Variants in UNC5C observed in about 807,000 individuals in gnomAD.
The protein encoded by UNC5C is unc-5 netrin receptor C.
In UNC5C, 47 loss-of-function variants were observed where a neutral mutation model predicts 99.8. That is an observed-to-expected ratio of 0.47 (90% confidence interval 0.37 to 0.60). The LOEUF is 0.60. UNC5C is among the 20% of genes least tolerant of loss of function. The pLI is 0.00. For missense variants in UNC5C, 1,062 were observed against 1,165.9 expected (o/e 0.91, Z 1.30); for synonymous variants, 487 against 452.2 (o/e 1.08, Z -0.98).
At chr4:95,421,627 C>CACACACACAG (rs1553971109) in intron 1 of UNC5C, among the ~76,000 whole-genome samples, 1 of 151,816 alleles carries the variant, frequency 6.6e-6, no homozygotes, top group Non-Finnish European at 1.5e-5. Context: ...TTTACACACA[C>CACACACACAG]ACACACACAC....
At chr4:95,292,395 G>A (rs991754988) in intron 3 of UNC5C, among the ~76,000 whole-genome samples, 6 of 151,252 alleles carry the variant, frequency 4.0e-5, no homozygotes, top group South Asian at 4.2e-4. Context: ...TCAGCCTCCC[G>A]GAGATTACAT....
chr4:95,239,701 T>A (rs1261282764), intron 7 of UNC5C, among the ~76,000 whole-genome samples: 1 of 152,224 alleles, frequency 6.6e-6, no homozygotes, highest in East Asian at 1.9e-4. Flanking sequence ...ATGTCTCTAC[T>A]AAGTTTGCAA....
chr4:95,349,849 G>A (rs984061181), intron 1 of UNC5C, among the ~76,000 whole-genome samples: 3 of 151,906 alleles, frequency 2.0e-5, no homozygotes, highest in Non-Finnish European at 4.4e-5. Context: ...TGTGACCTCT[G>A]ACTTTAAACT....
chr4:95,469,722 C>A (rs1747908153), intron 1 of UNC5C, among the ~76,000 whole-genome samples: 1 of 152,062 alleles, frequency 6.6e-6, no homozygotes, highest in African/African-American at 2.4e-5. Flanking sequence ...TTCTTGGGAG[C>A]ACTTTCAGCA....
intron 1 of UNC5C, among the ~76,000 whole-genome samples, chr4:95,461,415 A>T (rs1020872186): frequency 1.6e-5 from 2 of 127,748 alleles, no homozygotes; most frequent in Non-Finnish European, 1.6e-5. Context: ...GTAATCAAAT[A>T]TAATTAGAAA....
chr4:95,332,292 G>A (rs935751942), intron 2 of UNC5C, among the ~76,000 whole-genome samples: 48 of 150,786 alleles, frequency 3.2e-4, no homozygotes, highest in Admixed American at 9.3e-4. Context: ...AACAAAGCTG[G>A]AGGCATCACA....
intron 1 of UNC5C, among the ~76,000 whole-genome samples, chr4:95,360,096 A>G (rs911708591): frequency 3.9e-5 from 6 of 152,160 alleles, no homozygotes; most frequent in Non-Finnish European, 8.8e-5. Context: ...GAGTTTCCCA[A>G]GGAGATACCA....
chr4:95,209,517 C>T (rs923857000), intron 10 of UNC5C, among the ~76,000 whole-genome samples: 2 of 152,146 alleles, frequency 1.3e-5, no homozygotes, highest in African/African-American at 2.4e-5. Flanking sequence ...ATTTTACCTA[C>T]TTTTAGTCTT....
intron 1 of UNC5C, among the ~76,000 whole-genome samples, chr4:95,412,214 G>C (rs773932151): frequency 3.3e-5 from 5 of 151,852 alleles, no homozygotes; most frequent in African/African-American, 9.7e-5. Flanking sequence ...TTTAATGTTC[G>C]TACCTGTTTC....
intron 7 of UNC5C, among the ~76,000 whole-genome samples, chr4:95,237,616 C>T (rs1444380142): frequency 6.6e-6 from 1 of 151,952 alleles, no homozygotes; most frequent in Non-Finnish European, 1.5e-5. Context: ...AACTATAAAG[C>T]CCATAATAAA....
chr4:95,472,298 G>A lies in UNC5C; in HGVS notation c.124+76436C>T, dbSNP rs138122081. 2.5e-3 allele frequency among the ~76,000 whole-genome samples: 379 copies of A among 152,166 alleles called. 4 individuals are homozygous for A. The highest frequency in any genetic ancestry group is 8.2e-3 in the African/African-American group (341 of 41,532). On this transcript the variant is annotated intron_variant, in intron 1 of 15. Coordinates refer to ENST00000453304, the MANE Select transcript of UNC5C (RefSeq NM_003728.4). ...CTTTCATTTCACATTTCCATCATGA[G>A]TTTTAAATTAAAGTGTCCAAAATAT...
At chr4:95,292,563 T>C (rs1253567806) in intron 3 of UNC5C, among the ~76,000 whole-genome samples, 2 of 152,078 alleles carry the variant, frequency 1.3e-5, no homozygotes, top group Non-Finnish European at 2.9e-5. Context: ...TGGACCTTAC[T>C]TTCTAAGGGG....
intron 1 of UNC5C, among the ~76,000 whole-genome samples, chr4:95,456,375 A>G (rs1358288949): frequency 3.3e-5 from 5 of 152,110 alleles, no homozygotes; most frequent in Non-Finnish European, 7.4e-5. Flanking sequence ...GAGTTAAAGG[A>G]ACTTAATCAT....
At chr4:95,471,562 A>G (rs1354379724) in intron 1 of UNC5C, among the ~76,000 whole-genome samples, 1 of 152,116 alleles carries the variant, frequency 6.6e-6, no homozygotes, top group East Asian at 1.9e-4. Context: ...ACCCTGACCC[A>G]AGACTCACTG....
chr4:95,216,272 G>A, intron 9 of UNC5C, 61 bp from the exon 10 acceptor site: 8 of 1,383,092 alleles, frequency 5.8e-6, no homozygotes, highest in Non-Finnish European at 8.1e-6. Context: ...AAGGGAATGA[G>A]GAGATTTTGT....
At chr4:95,304,330 C>T (rs923718398) in intron 2 of UNC5C, among the ~76,000 whole-genome samples, 5 of 152,174 alleles carry the variant, frequency 3.3e-5, no homozygotes, top group Admixed American at 6.5e-5. Context: ...CAATCCATCA[C>T]CCTTCTATGG....
At chr4:95,424,614 C>T (rs561483239) in intron 1 of UNC5C, among the ~76,000 whole-genome samples, 2 of 149,400 alleles carry the variant, frequency 1.3e-5, no homozygotes, top group Admixed American at 6.7e-5. Flanking sequence ...CTCCACCTCC[C>T]GGGTTCATGC....
chr4:95,274,445 T>C (rs537972772), intron 4 of UNC5C, among the ~76,000 whole-genome samples: 2 of 152,270 alleles, frequency 1.3e-5, no homozygotes, highest in South Asian at 2.1e-4. Flanking sequence ...GAAAGGACTT[T>C]AGGGAGAACA....
intron 1 of UNC5C, among the ~76,000 whole-genome samples, chr4:95,439,705 A>G (rs1001071296): frequency 3.3e-5 from 5 of 152,214 alleles, no homozygotes; most frequent in Non-Finnish European, 7.3e-5. Context: ...TTCTGAGGTC[A>G]AATAAATTTG....
Sources: allele counts gnomAD v4.1 joint callset (sites outside exome capture counted in the v4.1 genomes callset), GRCh38; gene constraint gnomAD v4.1.1; transcripts MANE v1.5; gene names NCBI Gene and HGNC (gene_info 2026-07-23, HGNC 2026-07-21).